The following KATNIP variants were observed in gnomAD, a reference collection of about 807,000 sequenced individuals.
The protein encoded by KATNIP is katanin-interacting protein.
Under a neutral mutation model 174.0 loss-of-function variants are expected in KATNIP, and 126 were observed. The observed-to-expected ratio is 0.72, with a 90% CI of 0.63 to 0.84. The LOEUF (loss-of-function observed/expected upper bound fraction) is 0.84, where lower values mean the gene tolerates loss of function less well. KATNIP is among the 40% of genes least tolerant of loss of function. KATNIP has a pLI of 0.00. For synonymous variants in KATNIP, 810 were observed against 835.7 expected (o/e 0.97, Z 0.53); for missense variants, 1,958 against 2,109.7 (o/e 0.93, Z 1.41).
chr16:27,776,047 G>A lies in KATNIP; in HGVS notation c.4450-881G>A, dbSNP rs960695070. On this transcript the variant is annotated intron_variant, in intron 24 of 27. Coordinates refer to ENST00000261588, the MANE Select transcript of KATNIP (RefSeq NM_015202.5). This position sits in a 1 kb window ranked among gnomAD's most constrained non-coding sequence, Gnocchi z 4.7. ...AGCACTGGAAGGCCTTTTGGGGTGC[G>A]GCGACTTCAGCTGTTGCTCTCGCGG... 2.6e-5 allele frequency among the ~76,000 whole-genome samples: 4 copies of A among 152,144 alleles called. No individual in the cohort carries two copies. Among genetic ancestry groups the A allele is most frequent in the Non-Finnish European group, 4.4e-5 (3 of 68,034 alleles).
At chr16:27,733,760 G>C (rs1454458610) in intron 14 of KATNIP, among the ~76,000 whole-genome samples, 1 of 152,132 alleles carries the variant, frequency 6.6e-6, no homozygotes, top group Admixed American at 6.5e-5. Flanking sequence ...GCTGGTTCTT[G>C]AGGAGAGAAA....
At chr16:27,631,844 A>G (rs2076500116) in intron 5 of KATNIP, among the ~76,000 whole-genome samples, 2 of 152,170 alleles carry the variant, frequency 1.3e-5, no homozygotes, top group Non-Finnish European at 1.5e-5. Context: ...TGGAACTGAG[A>G]TGCCATTTTG....
intron 1 of KATNIP, among the ~76,000 whole-genome samples, chr16:27,563,433 G>A (rs193240878): frequency 2.3e-4 from 35 of 152,128 alleles, no homozygotes; most frequent in African/African-American, 8.2e-4. Context: ...TGGGTGTATC[G>A]CTTGAGCCTG....
At chr16:27,618,150 T>C (rs1260970787) in intron 2 of KATNIP, among the ~76,000 whole-genome samples, 1 of 152,124 alleles carries the variant, frequency 6.6e-6, no homozygotes, top group Non-Finnish European at 1.5e-5. Context: ...GAACCCTTGA[T>C]CTTAGAGGGC....
chr16:27,757,574 G>A, intron 18 of KATNIP: 1 of 969,126 alleles, frequency 1.0e-6, no homozygotes, highest in Non-Finnish European at 1.2e-6. Context: ...TTGGGAATTT[G>A]GCCCTGGAGT....
At chr16:27,602,683 T>A (rs1596878389) in intron 2 of KATNIP, among the ~76,000 whole-genome samples, 2 of 151,620 alleles carry the variant, frequency 1.3e-5, no homozygotes, top group Non-Finnish European at 2.9e-5. Flanking sequence ...GAGGCTAGAG[T>A]TTTTGGGTTT....
intron 13 of KATNIP, among the ~76,000 whole-genome samples, chr16:27,713,809 C>T (rs960724235): frequency 0.039 from 1,299 of 33,000 alleles, 26 homozygotes; most frequent in Non-Finnish European, 0.044. Context: ...TGTGTATATA[C>T]ATATATATAT....
chr16:27,709,912 A>G (rs912119831), intron 13 of KATNIP, among the ~76,000 whole-genome samples: 4 of 152,218 alleles, frequency 2.6e-5, no homozygotes, highest in African/African-American at 9.6e-5. Context: ...GGAGAAGGGC[A>G]TTGACTTGGC....
At chr16:27,759,211 T>G (rs2081857113) in intron 18 of KATNIP, among the ~76,000 whole-genome samples, 1 of 152,174 alleles carries the variant, frequency 6.6e-6, no homozygotes, top group South Asian at 2.1e-4. Context: ...AACTTCCGTC[T>G]TAGTGGGGGA....
At chr16:27,559,933 A>G (rs2141583298) in intron 1 of KATNIP, among the ~76,000 whole-genome samples, 1 of 152,204 alleles carries the variant, frequency 6.6e-6, no homozygotes, top group Non-Finnish European at 1.5e-5. Flanking sequence ...GTGAGCCTAG[A>G]TCGCGCCACT....
chr16:27,741,114 G>A (rs2081092391), intron 15 of KATNIP, among the ~76,000 whole-genome samples, 194 bp downstream of exon 15: 1 of 152,232 alleles, frequency 6.6e-6, no homozygotes, highest in Non-Finnish European at 1.5e-5. Flanking sequence ...GACACATTTT[G>A]CATGGTAAAT....
At chr16:27,599,180 GAGGGGAGAAGCCAGC>G (rs1029756670) in intron 2 of KATNIP, among the ~76,000 whole-genome samples, 5 of 152,200 alleles carry the variant, frequency 3.3e-5, no homozygotes, top group Admixed American at 3.3e-4. Context: ...ACAGCTGAGG[GAGGGGAGAAGCCAGC>G]CTGGGATGGA....
At chr16:27,770,499 T>C (rs1328841833) in intron 21 of KATNIP, among the ~76,000 whole-genome samples, 1 of 152,250 alleles carries the variant, frequency 6.6e-6, no homozygotes, top group Non-Finnish European at 1.5e-5. Context: ...TGAAACCCCC[T>C]GATGTCCAAA....
intron 8 of KATNIP, among the ~76,000 whole-genome samples, chr16:27,690,363 T>TAGATGATAGATAGATAGATA (rs397837255): frequency 4.4e-5 from 4 of 91,044 alleles, no homozygotes; most frequent in African/African-American, 1.9e-4. Flanking sequence ...GATAGATAGA[T>TAGATGATAGATAGATAGATA]GATAGATAGA....
intron 8 of KATNIP, among the ~76,000 whole-genome samples, chr16:27,688,236 A>G (rs574090482): frequency 1.3e-5 from 2 of 152,288 alleles, no homozygotes; most frequent in African/African-American, 2.4e-5. Flanking sequence ...GGAGTTCAAG[A>G]CCAGCCTGGG....
intron 2 of KATNIP, chr16:27,574,219 G>T: frequency 4.3e-6 from 2 of 470,316 alleles, no homozygotes; most frequent in South Asian, 4.8e-5. Context: ...AGATTTTAGT[G>T]GCTTAAAACA....
intron 14 of KATNIP, among the ~76,000 whole-genome samples, chr16:27,726,185 T>C (rs1425949484): frequency 6.6e-6 from 1 of 152,148 alleles, no homozygotes; most frequent in Non-Finnish European, 1.5e-5. Context: ...GCACGCTCCT[T>C]ATGAGAATCT....
chr16:27,669,515 G>A (rs1260015586), intron 6 of KATNIP, among the ~76,000 whole-genome samples: 1 of 152,178 alleles, frequency 6.6e-6, no homozygotes, highest in Non-Finnish European at 1.5e-5. Context: ...AGAAATTTCT[G>A]GATGATGGCT....
intron 2 of KATNIP, among the ~76,000 whole-genome samples, chr16:27,585,541 G>A (rs769545839): frequency 1.3e-5 from 2 of 152,154 alleles, no homozygotes; most frequent in Non-Finnish European, 2.9e-5. Flanking sequence ...ACAGACACAC[G>A]TATAAAGAGA....
Sources: allele counts gnomAD v4.1 joint callset (sites outside exome capture counted in the v4.1 genomes callset), GRCh38; gene constraint gnomAD v4.1.1; non-coding constraint Gnocchi (gnomAD v3.1); transcripts MANE v1.5; gene names NCBI Gene and HGNC (gene_info 2026-07-23, HGNC 2026-07-21).